KLF12: variants seen among roughly 807,000 people sequenced by gnomAD.
KLF12 encodes Krueppel-like factor 12.
A neutral mutation model predicts 37.8 loss-of-function variants in KLF12; 9 were observed. That is an observed-to-expected ratio of 0.24 (90% CI 0.14 to 0.42). The LOEUF (loss-of-function observed/expected upper bound fraction) is 0.42, where lower values mean the gene tolerates loss of function less well. Among genes scored for constraint, KLF12 ranks in the 10% least tolerant of loss-of-function variants. The probability of loss-of-function intolerance (pLI) is 1.00; values close to 1 mark genes in which losing one functional copy is unlikely to be tolerated. For synonymous variants in KLF12, 208 were observed against 202.1 expected, an observed-to-expected ratio of 1.03 and a Z score of -0.25; for missense variants, 411 against 516.0, an observed-to-expected ratio of 0.80 and a Z score of 1.97.
chr13:73,732,343 GC>G (rs892832739), intron 6 of KLF12, among the ~76,000 whole-genome samples: 2 of 152,008 alleles, frequency 1.3e-5, no homozygotes, highest in Admixed American at 6.6e-5. Flanking sequence ...ATCCACCTCG[GC>G]CCCCCAAAGT....
chr13:74,180,893 A>G, the KLF12 span, among the ~76,000 whole-genome samples: 2 of 152,234 alleles, frequency 1.3e-5, no homozygotes, highest in South Asian at 4.1e-4. Flanking sequence ...ATGAAATATT[A>G]AGTACATTTA....
At chr13:74,015,793 G>A (rs1320306691) in intron 1 of KLF12, among the ~76,000 whole-genome samples, 1 of 151,980 alleles carries the variant, frequency 6.6e-6, no homozygotes, top group African/African-American at 2.4e-5. Flanking sequence ...AGACTATTAC[G>A]GGACTCACTT....
Position 74,040,724 on chromosome 13 carries a change from A to T in KLF12, c.-31-45671T>A, listed in dbSNP as rs894638877. Among the ~76,000 whole-genome samples, 49 of 152,176 alleles carry T rather than the reference A, an allele frequency of 3.2e-4. 1 individual carries two copies. Among genetic ancestry groups the T allele is most frequent in the Non-Finnish European group, 4.4e-5 (3 of 68,026 alleles). ...CCCTCTGCTTAAATACACACCCTAC[A>T]TATAATATAGTCATACAAAACAGTA... On this transcript the variant is annotated intron_variant, in intron 1 of 7. Coordinates refer to ENST00000377669, the MANE Select transcript of KLF12 (RefSeq NM_007249.5).
intron 5 of KLF12, among the ~76,000 whole-genome samples, chr13:73,795,232 T>C (rs1475560694): frequency 1.3e-5 from 2 of 152,180 alleles, no homozygotes; most frequent in African/African-American, 4.8e-5. Flanking sequence ...TATTGAATGC[T>C]CAATAAATGT....
At position 74,055,827 on chromosome 13, in the gene KLF12, G is replaced by A. The variant is rs537871819; in HGVS notation, c.-31-60774C>T. On this transcript the variant is annotated intron_variant, in intron 1 of 7. Coordinates refer to ENST00000377669, the MANE Select transcript of KLF12 (RefSeq NM_007249.5). ...GTGTATATAAAACCTCAAGTCTGGG[G>A]CCAGGATAAACGGAGGCATGTAAGG... Among the ~76,000 whole-genome samples, 13 of 152,320 alleles carry A rather than the reference G, an allele frequency of 8.5e-5. No homozygotes were observed. In the East Asian group the frequency reaches 2.5e-3, roughly 29 times the overall value.
intron 1 of KLF12, among the ~76,000 whole-genome samples, chr13:74,121,062 GT>G (rs1329115439): frequency 6.6e-6 from 1 of 152,026 alleles, no homozygotes; most frequent in Non-Finnish European, 1.5e-5. Context: ...CCAAATAAAA[GT>G]TAGAGATGGT....
the KLF12 span, among the ~76,000 whole-genome samples, chr13:74,233,626 G>A: frequency 1.3e-5 from 2 of 151,944 alleles, no homozygotes; most frequent in South Asian, 2.1e-4. Flanking sequence ...AGAAATCCCC[G>A]AGATGACTAA....
chr13:73,938,930 C>T (rs1890069373), intron 3 of KLF12, among the ~76,000 whole-genome samples: 1 of 152,206 alleles, frequency 6.6e-6, no homozygotes, highest in South Asian at 2.1e-4. Flanking sequence ...GGCAAAGAGG[C>T]ATCAGGCTCG....
intron 5 of KLF12, among the ~76,000 whole-genome samples, chr13:73,810,476 G>A (rs371586009): frequency 6.8e-4 from 103 of 151,348 alleles, no homozygotes; most frequent in Middle Eastern, 3.4e-3. Context: ...GTTTATTTAG[G>A]CCAGGATGCT....
At chr13:74,129,560 G>A (rs1349770986) in intron 1 of KLF12, among the ~76,000 whole-genome samples, 1 of 152,158 alleles carries the variant, frequency 6.6e-6, no homozygotes, top group East Asian at 1.9e-4. Context: ...CAGTACAGCA[G>A]TAAGGGCTTC....
chr13:73,751,775 C>T (rs7320096), intron 6 of KLF12, among the ~76,000 whole-genome samples: 72,785 of 151,834 alleles, frequency 0.48, 18,890 homozygotes, highest in African/African-American at 0.68. Context: ...TATATTAAGA[C>T]GTATTTATTC....
intron 1 of KLF12, among the ~76,000 whole-genome samples, chr13:74,064,507 T>A (rs1175250189): frequency 6.6e-6 from 1 of 152,202 alleles, no homozygotes; most frequent in Non-Finnish European, 1.5e-5. Context: ...TTGGTGTTGA[T>A]GATACATCCA....
chr13:74,016,625 A>G (rs1370865131), intron 1 of KLF12, among the ~76,000 whole-genome samples: 1 of 152,148 alleles, frequency 6.6e-6, no homozygotes, highest in African/African-American at 2.4e-5. Flanking sequence ...AGCCTCCCAC[A>G]GTGCTGGGAT....
At chr13:74,044,558 A>C (rs1893489645) in intron 1 of KLF12, among the ~76,000 whole-genome samples, 1 of 152,162 alleles carries the variant, frequency 6.6e-6, no homozygotes, top group Non-Finnish European at 1.5e-5. Context: ...AAGAGTTACC[A>C]ATGGCAAGCT....
At chr13:73,940,119 G>T (rs565866286) in intron 3 of KLF12, among the ~76,000 whole-genome samples, 1 of 152,142 alleles carries the variant, frequency 6.6e-6, no homozygotes, top group Non-Finnish European at 1.5e-5. Context: ...CTTATCTCTG[G>T]GTGTGATAGT....
chr13:73,710,092 C>T (rs1875253353), intron 7 of KLF12, among the ~76,000 whole-genome samples: 1 of 151,980 alleles, frequency 6.6e-6, no homozygotes, highest in African/African-American at 2.4e-5. Flanking sequence ...TGATTCTGTC[C>T]TGTATTTCCA....
chr13:73,828,289 T>C (rs1175954035), intron 4 of KLF12, among the ~76,000 whole-genome samples: 1 of 152,218 alleles, frequency 6.6e-6, no homozygotes, highest in African/African-American at 2.4e-5. Flanking sequence ...AGATGTGAGT[T>C]GATTTTTACT....
At chr13:74,065,829 A>T (rs1873881969) in intron 1 of KLF12, among the ~76,000 whole-genome samples, 2 of 152,040 alleles carry the variant, frequency 1.3e-5, no homozygotes, top group African/African-American at 4.8e-5. Context: ...CGATCTCTCT[A>T]GACATGTGAC....
intron 1 of KLF12, among the ~76,000 whole-genome samples, chr13:74,055,647 A>G (rs1463527750): frequency 2.0e-5 from 3 of 152,198 alleles, no homozygotes; most frequent in Non-Finnish European, 4.4e-5. Flanking sequence ...AGAGCTCACC[A>G]TGGCTCTTAC....
Sources: gnomAD v4.1 joint callset for allele counts (sites outside exome capture counted in the v4.1 genomes callset) on GRCh38, gnomAD v4.1.1 for gene constraint, MANE v1.5 for transcripts, NCBI Gene and HGNC (gene_info 2026-07-23, HGNC 2026-07-21) for gene names.